CDH12: variants seen among roughly 807,000 people sequenced by gnomAD.
CDH12 encodes the protein cadherin-12.
In CDH12, 41 loss-of-function variants were observed where a neutral mutation model predicts 74.1. The ratio of observed to expected loss-of-function variants is 0.55; its 90% confidence interval spans 0.43 to 0.72. CDH12 has a LOEUF of 0.72. CDH12 is among the 30% of genes least tolerant of loss of function. The pLI, the probability that CDH12 is intolerant of heterozygous loss-of-function variation, is 0.00. For synonymous variants in CDH12, 399 were observed against 355.0 expected, an observed-to-expected ratio of 1.12 and a Z score of -1.39; for missense variants, 945 against 977.2, an observed-to-expected ratio of 0.97 and a Z score of 0.44.
Position 22,477,430 on chromosome 5 carries a change from T to C in CDH12, c.-428+27840A>G, listed in dbSNP as rs145270024. Among the ~76,000 whole-genome samples the C allele has an allele frequency of 3.5e-3, 540 of 152,344 alleles. 4 individuals carry two copies. Among genetic ancestry groups the C allele is most frequent in the Middle Eastern group, 0.017 (5 of 294 alleles). On this transcript the variant is annotated intron_variant, in intron 2 of 14. Transcript: ENST00000382254. ...AAGGATATGATCTCATTTTCTTTTATGGCTGCGTAGTATTTCATGGTGTAT... is the reference window on the plus strand; with the variant it reads ...AAGGATATGATCTCATTTTCTTTTACGGCTGCGTAGTATTTCATGGTGTAT...
intron 1 of CDH12, among the ~76,000 whole-genome samples, chr5:22,584,607 C>A (rs1277390841): frequency 6.6e-6 from 1 of 152,028 alleles, no homozygotes; most frequent in Non-Finnish European, 1.5e-5. Context: ...GCATTGAATT[C>A]TTTAGCATAT....
At chr5:21,828,929 T>C (rs1370614183) in intron 8 of CDH12, among the ~76,000 whole-genome samples, 14 of 78,000 alleles carry the variant, frequency 1.8e-4, no homozygotes, top group African/African-American at 5.5e-4. Flanking sequence ...TTTTTTTTTT[T>C]TTTGCAATGG....
intron 5 of CDH12, among the ~76,000 whole-genome samples, chr5:22,038,546 CTG>C (rs1315461692): frequency 1.3e-5 from 2 of 152,200 alleles, no homozygotes; most frequent in Non-Finnish European, 2.9e-5. Context: ...TTGCTGTGCC[CTG>C]TCTCTAGGGG....
intron 10 of CDH12, among the ~76,000 whole-genome samples, chr5:21,798,526 T>C (rs958508350): frequency 2.0e-5 from 3 of 152,146 alleles, no homozygotes; most frequent in Non-Finnish European, 4.4e-5. Context: ...TGTTATGGAC[T>C]GGATGTTTAT....
intron 3 of CDH12, among the ~76,000 whole-genome samples, chr5:22,382,063 T>C (rs1741778946): frequency 6.8e-6 from 1 of 147,272 alleles, no homozygotes; most frequent in Admixed American, 6.8e-5. Flanking sequence ...AGTCTCAATA[T>C]TATAATACAT....
chr5:22,496,222 T>A (rs1335251856), intron 2 of CDH12, among the ~76,000 whole-genome samples: 1 of 152,204 alleles, frequency 6.6e-6, no homozygotes, highest in Non-Finnish European at 1.5e-5. Flanking sequence ...AGCTAAGCAC[T>A]GCAACCTAAA....
intron 5 of CDH12, among the ~76,000 whole-genome samples, chr5:22,039,540 C>T (rs1334488691): frequency 6.6e-6 from 1 of 152,118 alleles, no homozygotes. Context: ...CTTGTAGGCC[C>T]TGTCAATCCC....
intron 1 of CDH12, among the ~76,000 whole-genome samples, chr5:22,537,279 C>G (rs1246723406): frequency 6.6e-6 from 1 of 152,146 alleles, no homozygotes; most frequent in Non-Finnish European, 1.5e-5. Flanking sequence ...TTGGCAATAC[C>G]TTGAAGAGTG....
At chr5:22,457,667 C>T (rs1745336309) in intron 2 of CDH12, among the ~76,000 whole-genome samples, 5 of 151,698 alleles carry the variant, frequency 3.3e-5, no homozygotes, top group Admixed American at 3.3e-4. Flanking sequence ...CAGCCTCCAC[C>T]TCCCAAGTTC....
At position 22,451,821 on chromosome 5, in the gene CDH12, A is replaced by G. The variant is rs150957124; in HGVS notation, c.-427-46470T>C. Among the ~76,000 whole-genome samples the G allele has an allele frequency of 7.4e-3, 1,126 of 151,810 alleles. 10 individuals are homozygous for G. The highest frequency in any genetic ancestry group is 0.014 in the Middle Eastern group (4 of 294). The stretch of plus-strand genomic sequence containing the variant: ...ATCTTGTATATATAAAACCCTAAAG[A>G]CTCCACCAATGAAGTAGTGTAGACT... On this transcript the variant is annotated intron_variant, in intron 2 of 14. Transcript: ENST00000382254.
chr5:22,527,127 T>C (rs1484183203), intron 1 of CDH12, among the ~76,000 whole-genome samples: 2 of 152,174 alleles, frequency 1.3e-5, no homozygotes, highest in South Asian at 2.1e-4. Context: ...CATTTCATTT[T>C]GTACCAAGCA....
intron 3 of CDH12, among the ~76,000 whole-genome samples, chr5:22,355,529 T>C (rs1029658670): frequency 1.3e-5 from 2 of 148,418 alleles, no homozygotes; most frequent in African/African-American, 2.5e-5. Flanking sequence ...AAAAAATATA[T>C]ATATATATAT....
At chr5:21,770,040 G>T (rs1334855784) in intron 11 of CDH12, among the ~76,000 whole-genome samples, 1 of 152,160 alleles carries the variant, frequency 6.6e-6, no homozygotes, top group Admixed American at 6.6e-5. Context: ...AAGATGGAAT[G>T]CCTGAAATCT....
chr5:22,363,352 G>T (rs1740900193), intron 3 of CDH12, among the ~76,000 whole-genome samples: 1 of 152,026 alleles, frequency 6.6e-6, no homozygotes, highest in African/African-American at 2.4e-5. Flanking sequence ...TAAACATTTT[G>T]ATCTTTTAAT....
chr5:22,497,526 C>T (rs761123339), intron 2 of CDH12, among the ~76,000 whole-genome samples: 27 of 152,082 alleles, frequency 1.8e-4, no homozygotes, highest in Non-Finnish European at 3.5e-4. Context: ...CCTAATTCCA[C>T]CCCTGGGCCT....
intron 4 of CDH12, among the ~76,000 whole-genome samples, chr5:22,113,413 A>G (rs1252013985): frequency 6.6e-6 from 1 of 152,156 alleles, no homozygotes; most frequent in African/African-American, 2.4e-5. Context: ...CTTGGTCTCC[A>G]TGATCTTTCA....
At chr5:22,447,198 A>G (rs1019161561) in intron 2 of CDH12, among the ~76,000 whole-genome samples, 2 of 152,000 alleles carry the variant, frequency 1.3e-5, no homozygotes, top group Admixed American at 6.6e-5. Context: ...ATGTATTAGC[A>G]TTTTTTTATT....
intron 5 of CDH12, among the ~76,000 whole-genome samples, chr5:22,040,349 T>G (rs1301697455): frequency 6.6e-6 from 1 of 152,088 alleles, no homozygotes; most frequent in Non-Finnish European, 1.5e-5. Context: ...ATTATAGGAT[T>G]TTGAGAAGTT....
intron 1 of CDH12, among the ~76,000 whole-genome samples, chr5:22,689,103 C>T (rs1301383898): frequency 6.6e-6 from 1 of 152,128 alleles, no homozygotes; most frequent in Non-Finnish European, 1.5e-5. Flanking sequence ...ATGTTAACAT[C>T]ATGGACAATC....
Sources: allele counts gnomAD v4.1 joint callset (sites outside exome capture counted in the v4.1 genomes callset), GRCh38; gene constraint gnomAD v4.1.1; transcripts MANE v1.5; gene names NCBI Gene and HGNC (gene_info 2026-07-23, HGNC 2026-07-21).